The following JADE2 variants were observed in gnomAD, a reference collection of about 807,000 sequenced individuals.
JADE2 encodes the protein jade family PHD finger 2.
JADE2 carries 13 observed loss-of-function variants against 85.7 expected under a neutral mutation model. That is an observed-to-expected ratio of 0.15 (90% CI 0.10 to 0.24). The LOEUF (loss-of-function observed/expected upper bound fraction) is 0.24. JADE2 is among the 10% of genes least tolerant of loss of function. The pLI, the probability that JADE2 is intolerant of heterozygous loss-of-function variation, is 1.00. For missense variants in JADE2, 846 were observed against 1,115.9 expected, an observed-to-expected ratio of 0.76 and a Z score of 3.45; for synonymous variants, 440 against 456.1, an observed-to-expected ratio of 0.96 and a Z score of 0.45.
intron 1 of JADE2, among the ~76,000 whole-genome samples, chr5:134,529,055 G>A (rs1432548819): frequency 6.6e-6 from 1 of 152,320 alleles, no homozygotes; most frequent in East Asian, 1.9e-4. Context: ...CCACATCCTT[G>A]AGGTTGGGAG....
At chr5:134,574,745 T>G (rs1460650453) in intron 10 of JADE2, 1 of 152,220 alleles carries the variant, frequency 6.6e-6, no homozygotes, top group Non-Finnish European at 1.5e-5. Context: ...GGCAGCTTCC[T>G]GGCTGCTGGA....
At chr5:134,526,254 A>C in intron 1 of JADE2, 1 of 985,370 alleles carries the variant, frequency 1.0e-6, no homozygotes, top group Non-Finnish European at 1.2e-6. Flanking sequence ...GGGGAGGCTG[A>C]GAGGGGCGCA....
intron 3 of JADE2, among the ~76,000 whole-genome samples, chr5:134,541,558 C>A (rs1761961150): frequency 6.6e-6 from 1 of 152,192 alleles, no homozygotes; most frequent in Non-Finnish European, 1.5e-5. Context: ...GGCTGTCAGG[C>A]TGGTCATGTG....
At chr5:134,571,495 A>G (rs1046090956) in intron 9 of JADE2, among the ~76,000 whole-genome samples, 2 of 152,164 alleles carry the variant, frequency 1.3e-5, no homozygotes, top group African/African-American at 2.4e-5. Flanking sequence ...TCAGGAGTTC[A>G]AGACTAGCCT....
rs571796308 is a variant in JADE2, at chr5:134,568,104, G to A, written c.1434+1524G>A. 4.6e-5 allele frequency among the ~76,000 whole-genome samples: 7 copies of A among 152,290 alleles called. No individual in the cohort carries two copies. In the South Asian group the frequency reaches 1.5e-3, roughly 32 times the overall value. On this transcript the variant is annotated intron_variant, in intron 9 of 11. Transcript: ENST00000681547. ...ACAACCCCTCAGAACTGACCTCTCT[G>A]TTCTGTGCTGGTCAGCCCATGTGTC... is the stretch of plus-strand genomic sequence containing the variant.
intron 8 of JADE2, among the ~76,000 whole-genome samples, chr5:134,565,747 C>T (rs1426510043): frequency 2.0e-5 from 3 of 151,488 alleles, no homozygotes; most frequent in Non-Finnish European, 4.4e-5. Context: ...GCAGGAGAAT[C>T]GCTTGAACCT....
In JADE2 at chr5:134,545,770, C is replaced by T. The variant is rs188605654; in HGVS notation, c.154-6282C>T. The stretch of plus-strand genomic sequence containing the variant: ...TAATACCTGACATGCCTTAACAGGG[C>T]AATTACCTTTCTCTGTTAGCTGTCA... On this transcript the variant is annotated intron_variant, in intron 3 of 11. Coordinates refer to ENST00000681547, the MANE Select transcript of JADE2 (RefSeq NM_001388185.1). 3.0e-4 allele frequency among the ~76,000 whole-genome samples: 45 copies of T among 152,320 alleles called. No homozygotes were observed. In the East Asian group the frequency reaches 7.5e-3, roughly 25 times the overall value.
At chr5:134,537,045 C>T (rs1180934126) in intron 2 of JADE2, among the ~76,000 whole-genome samples, 1 of 152,246 alleles carries the variant, frequency 6.6e-6, no homozygotes, top group Admixed American at 6.5e-5. Context: ...TTCCCTACAG[C>T]AGGAGATCAC....
chr5:134,578,606 T>C lies in JADE2; in HGVS notation c.1794T>C (p.Asn598=), dbSNP rs749572545. ...NMAMSEWPLN[N]GHREDPAPGL... ...CCATGAGCGAGTGGCCACTGAACAA[T>C]GGGCACCGCGAGGACCCTGCTCCAG... Residue 598 remains asparagine (N), a synonymous_variant, in exon 12 of 12, where the codon AAT becomes AAC. Transcript: ENST00000681547. This position sits in a 1 kb window ranked among gnomAD's most constrained non-coding sequence, Gnocchi z 4.4. The C allele has an allele frequency of 1.2e-6, 2 of 1,614,068 alleles. No homozygotes were observed. Among genetic ancestry groups the C allele is most frequent in the East Asian group, 4.5e-5 (2 of 44,880 alleles).
Position 134,559,805 on chromosome 5 carries a change from A to G in JADE2, c.312-25A>G, listed in dbSNP as rs368048328. ...CGGCAGGCTGAGGGCCCCTCCCTTCATGACATCCTGTCTTGATTTTCTAGG... is the reference window on the plus strand; with the variant it reads ...CGGCAGGCTGAGGGCCCCTCCCTTCGTGACATCCTGTCTTGATTTTCTAGG... On this transcript the variant is annotated intron_variant, in intron 4 of 11. Transcript: ENST00000681547. 11 of 1,598,580 alleles carry G rather than the reference A, an allele frequency of 6.9e-6. No homozygotes were observed. The East Asian group carries it at 1.6e-4, about 23-fold the overall frequency.
chr5:134,581,031 C>G lies in JADE2; in HGVS notation c.*1714C>G, dbSNP rs1326332049. 1.3e-5 allele frequency: 2 copies of G among 152,584 alleles called. No homozygotes were observed. The highest frequency in any genetic ancestry group is 2.1e-4 in the South Asian group (1 of 4,822). The allele number at this position is 152,584 out of a possible 1,614,324, so 9.5% of individuals were successfully genotyped here. On this transcript the variant is annotated 3_prime_UTR_variant, in exon 12 of 12. Transcript: ENST00000681547. ...AGCAAATAAGCAGGATGGGGAACAG[C>G]TTGACCTTCATCCACCCCTAACTCC...
intron 1 of JADE2, chr5:134,533,671 C>A: frequency 1.7e-6 from 1 of 601,336 alleles, no homozygotes; most frequent in Non-Finnish European, 2.1e-6. Context: ...CTGGGCTGAG[C>A]TGAGGAAGAC....
At chr5:134,576,148 A>G (rs1293714301) in intron 10 of JADE2, among the ~76,000 whole-genome samples, 2 of 152,126 alleles carry the variant, frequency 1.3e-5, no homozygotes, top group Non-Finnish European at 2.9e-5. Flanking sequence ...GCAGTAAACT[A>G]TGATTGTACT....
intron 4 of JADE2, among the ~76,000 whole-genome samples, chr5:134,552,558 A>G (rs1762653599): frequency 6.6e-6 from 1 of 152,184 alleles, no homozygotes. Context: ...TGCAGTTGTA[A>G]TGTTGAGATA....
Position 134,579,732 on chromosome 5 carries a change from C to CGGCGA in JADE2, c.*415_*416insGGCGA. ...GGCCTACCCCGCCTTGCCCCCAGAT[C>CGGCGA]CCACTGGGGTCCATTTGGGGGGTCC... On this transcript the variant is annotated 3_prime_UTR_variant, in exon 12 of 12. Transcript: ENST00000681547. The surrounding 1 kb of genome is among the most constrained non-coding windows in gnomAD (Gnocchi z 4.6). 1 of 178,900 alleles carries CGGCGA rather than the reference C, an allele frequency of 5.6e-6. No individual in the cohort carries two copies. The highest frequency in any genetic ancestry group is 1.2e-5 in the Non-Finnish European group (1 of 84,476). The allele number at this position is 178,900 out of a possible 1,614,324, so 11.1% of individuals were successfully genotyped here.
At chr5:134,551,993 G>A (rs1762619776) in intron 3 of JADE2, 59 bp from the exon 4 acceptor site, 1 of 1,559,482 alleles carries the variant, frequency 6.4e-7, no homozygotes, top group South Asian at 1.1e-5. Context: ...CCTCTGGCCT[G>A]TGGGGCAGAC....
rs998466870 is a variant in JADE2, at chr5:134,566,793, G to T, written c.1434+213G>T. On this transcript the variant is annotated intron_variant, in intron 9 of 11. Transcript: ENST00000681547. The surrounding 1 kb of genome is among the most constrained non-coding windows in gnomAD (Gnocchi z 6.7). ...CTGACACTTTACAGAACAGAGAAGA[G>T]TCCAGTTCTTGAGTCTCCGAGTCCC... Among the ~76,000 whole-genome samples the T allele has an allele frequency of 6.6e-6, 1 of 152,226 alleles. No homozygotes were observed. The highest frequency in any genetic ancestry group is 1.5e-5 in the Non-Finnish European group (1 of 68,042).
chr5:134,553,987 C>G (rs1561743827), intron 4 of JADE2, among the ~76,000 whole-genome samples: 1 of 152,204 alleles, frequency 6.6e-6, no homozygotes, highest in Non-Finnish European at 1.5e-5. Flanking sequence ...TGGCCTCCCC[C>G]ACCCACCAGT....
At chr5:134,552,001 G>T in intron 3 of JADE2, 51 bp from the exon 4 acceptor site, 3 of 1,598,726 alleles carry the variant, frequency 1.9e-6, no homozygotes, top group South Asian at 1.1e-5. Flanking sequence ...CTGTGGGGCA[G>T]ACTGCCCTGA....
Sources: gnomAD v4.1 joint callset for allele counts (sites outside exome capture counted in the v4.1 genomes callset) on GRCh38, gnomAD v4.1.1 for gene constraint, Gnocchi (gnomAD v3.1) non-coding constraint, MANE v1.5 for transcripts, NCBI Gene and HGNC (gene_info 2026-07-23, HGNC 2026-07-21) for gene names.